The following BIN1 variants were observed in gnomAD, a reference collection of about 807,000 sequenced individuals.
BIN1 encodes myc box-dependent-interacting protein 1.
Under a neutral mutation model 82.0 loss-of-function variants are expected in BIN1, and 53 were observed. The observed-to-expected ratio is 0.65, with a 90% CI of 0.52 to 0.81. The LOEUF (loss-of-function observed/expected upper bound fraction) is 0.81. Among genes scored for constraint, BIN1 ranks in the 40% least tolerant of loss-of-function variants. The probability of loss-of-function intolerance (pLI) is 0.00; values close to 1 mark genes in which losing one functional copy is unlikely to be tolerated. For synonymous variants in BIN1, 302 were observed against 328.0 expected (o/e 0.92, Z 0.86); for missense variants, 642 against 784.4 (o/e 0.82, Z 2.17).
chr2:127,060,493 AG>A, intron 10 of BIN1: 1 of 1,541,104 alleles, frequency 6.5e-7, no homozygotes, highest in East Asian at 2.3e-5. Context: ...ACACAGAGCC[AG>A]ATTACGGGTT....
Position 127,057,986 on chromosome 2 carries a change from A to G in BIN1, c.1003-385T>C, listed in dbSNP as rs979320800. On this transcript the variant is annotated intron_variant, in intron 11 of 18. Transcript: ENST00000316724. The surrounding 1 kb of genome is among the most constrained non-coding windows in gnomAD (Gnocchi z 5.0). The stretch of plus-strand genomic sequence containing the variant: ...AGACTGGGGAAGCAAACAGTCGTTG[A>G]GAGACAGCCGGGCCCCAGCCTCCCC... Among the ~76,000 whole-genome samples the G allele has an allele frequency of 6.6e-6, 1 of 152,164 alleles. No individual in the cohort carries two copies. Among genetic ancestry groups the G allele is most frequent in the Non-Finnish European group, 1.5e-5 (1 of 68,014 alleles).
At position 127,063,559 on chromosome 2, in the gene BIN1, C is replaced by A; in HGVS notation, c.774+12G>T. The A allele has an allele frequency of 6.2e-7, 1 of 1,613,348 alleles. No individual in the cohort carries two copies. The highest frequency in any genetic ancestry group is 8.5e-7 in the Non-Finnish European group (1 of 1,179,686). On this transcript the variant is annotated intron_variant, in intron 9 of 18. Transcript: ENST00000316724. ...TGGGGTGTGGCCCCTCAGAGGGGTC[C>A]CCATGGCCTACCTTGCTCATCTCCT...
At chr2:127,096,198 A>T (rs1457613342) in intron 1 of BIN1, among the ~76,000 whole-genome samples, 2 of 152,150 alleles carry the variant, frequency 1.3e-5, no homozygotes, top group Non-Finnish European at 2.9e-5. Context: ...TCTAAGTCAA[A>T]GGAGAGCTGA....
Position 127,082,834 on chromosome 2 carries a change from G to A in BIN1, c.85-6128C>T, listed in dbSNP as rs1026109801. 2.0e-5 allele frequency among the ~76,000 whole-genome samples: 3 copies of A among 151,640 alleles called. No individual in the cohort carries two copies. The highest frequency in any genetic ancestry group is 6.6e-5 in the Admixed American group (1 of 15,246). Reference sequence around the variant, plus strand: ...TCCCCACCTCTGGGTGGAGAGTCTCGGTGGCCTCCAACAATCTAGGTGCCA... The same window carrying A: ...TCCCCACCTCTGGGTGGAGAGTCTCAGTGGCCTCCAACAATCTAGGTGCCA... On this transcript the variant is annotated intron_variant, in intron 1 of 18. Transcript: ENST00000316724. This position sits in a 1 kb window ranked among gnomAD's most constrained non-coding sequence, Gnocchi z 6.1.
At chr2:127,053,507 G>A (rs1285630859) in intron 13 of BIN1, 62 bp from the exon 14 acceptor site, 1 of 1,596,758 alleles carries the variant, frequency 6.3e-7, no homozygotes, top group Non-Finnish European at 8.5e-7. Context: ...AGGGCGGCAA[G>A]CAGTCCCCAG....
Position 127,057,645 on chromosome 2 carries a change from C to A in BIN1, c.1003-44G>T. 2 of 1,479,216 alleles carry A rather than the reference C, an allele frequency of 1.4e-6. No individual in the cohort carries two copies. The highest frequency in any genetic ancestry group is 1.8e-6 in the Non-Finnish European group (2 of 1,108,100). 91.6% of individuals were successfully genotyped at this position (1,479,216 alleles called of 1,614,324 possible). A position where few individuals can be genotyped will look rare whatever the true frequency, so the allele number is the denominator to read the frequency against. On this transcript the variant is annotated intron_variant, in intron 11 of 18. Coordinates refer to ENST00000316724, the MANE Select transcript of BIN1 (RefSeq NM_139343.3). The surrounding 1 kb of genome is among the most constrained non-coding windows in gnomAD (Gnocchi z 5.0). ...TGAGGGGCCGCGCGGGAAGGCACAG[C>A]AGAGCACGGGGTTTGGGGGAGACAG... is the stretch of plus-strand genomic sequence containing the variant.
rs528215673 is a variant in BIN1, at chr2:127,056,896, C to T, written c.1131+577G>A. On this transcript the variant is annotated intron_variant, in intron 12 of 18. Coordinates refer to ENST00000316724, the MANE Select transcript of BIN1 (RefSeq NM_139343.3). ...TGAGCCAAGAGCCCACTGGGAGAGA[C>T]CCAAGACCCTCTGCGTGGCTCCTTG... 2.0e-3 allele frequency among the ~76,000 whole-genome samples: 301 copies of T among 152,348 alleles called. 11 individuals carry two copies. The South Asian group carries it at 0.06, about 30-fold the overall frequency.
chr2:127,050,599 G>T, intron 17 of BIN1, 77 bp from the exon 18 acceptor site: 1 of 1,520,066 alleles, frequency 6.6e-7, no homozygotes, highest in Non-Finnish European at 9.1e-7. Context: ...CTTGCGTGTG[G>T]GAGGTGCAGG....
intron 1 of BIN1, among the ~76,000 whole-genome samples, chr2:127,102,264 G>A (rs999780008): frequency 6.6e-6 from 1 of 152,170 alleles, no homozygotes; most frequent in Non-Finnish European, 1.5e-5. Context: ...CAGCTTGTAA[G>A]GGACCAGCTG....
chr2:127,076,275 A>G lies in BIN1; in HGVS notation c.165+351T>C, dbSNP rs149963557. The stretch of plus-strand genomic sequence containing the variant: ...CCCCATGCTAACCGCTGCAGATGCC[A>G]CTCTCCTGGCAAGAAGCTTCTATAG... On this transcript the variant is annotated intron_variant, in intron 2 of 18. Transcript: ENST00000316724. Among the ~76,000 whole-genome samples, 420 of 151,686 alleles carry G rather than the reference A, an allele frequency of 2.8e-3. 3 individuals carry two copies. Among genetic ancestry groups the G allele is most frequent in the African/African-American group, 9.8e-3 (405 of 41,326 alleles).
chr2:127,077,608 G>A (rs553837607), intron 1 of BIN1, among the ~76,000 whole-genome samples: 5 of 152,294 alleles, frequency 3.3e-5, no homozygotes, highest in Admixed American at 2.6e-4. Flanking sequence ...TCCACATGAC[G>A]GAGAGAGAGG....
chr2:127,069,172 C>T (rs921673421), intron 5 of BIN1, 141 bp from the exon 6 acceptor site: 6 of 748,354 alleles, frequency 8.0e-6, no homozygotes, highest in Non-Finnish European at 1.3e-5. Flanking sequence ...TGCTGGAACC[C>T]TCCTCGTGGC....
intron 1 of BIN1, among the ~76,000 whole-genome samples, chr2:127,077,313 A>C (rs1160903564): frequency 6.9e-6 from 1 of 145,546 alleles, no homozygotes; most frequent in African/African-American, 2.6e-5. Flanking sequence ...TGCTCTGCAC[A>C]GCCCACACAC....
At chr2:127,091,926 G>C (rs1178100076) in intron 1 of BIN1, among the ~76,000 whole-genome samples, 1 of 151,998 alleles carries the variant, frequency 6.6e-6, no homozygotes, top group African/African-American at 2.4e-5. Context: ...GGGGCTGGTG[G>C]GTGGGGGGAA....
intron 10 of BIN1, chr2:127,060,510 C>A (rs958406924): frequency 6.3e-7 from 1 of 1,584,034 alleles, no homozygotes; most frequent in Non-Finnish European, 8.7e-7. Flanking sequence ...GGGTTAGTGG[C>A]ACCTGGGAGC....
Position 127,067,453 on chromosome 2 carries a change from C to T in BIN1, c.612+710G>A, listed in dbSNP as rs1011472240. 1.3e-5 allele frequency among the ~76,000 whole-genome samples: 2 copies of T among 152,154 alleles called. No homozygotes were observed. The highest frequency in any genetic ancestry group is 2.9e-5 in the Non-Finnish European group (2 of 68,024). On this transcript the variant is annotated intron_variant, in intron 7 of 18. Transcript: ENST00000316724. This position sits in a 1 kb window ranked among gnomAD's most constrained non-coding sequence, Gnocchi z 4.7. ...CTATGGCCAGGATGGTGAGATGGCCCAGGAGTTTTGTAAAAAAGCCTCCTC... is the reference window on the plus strand; with the variant it reads ...CTATGGCCAGGATGGTGAGATGGCCTAGGAGTTTTGTAAAAAAGCCTCCTC...
Position 127,059,579 on chromosome 2 carries a change from C to A in BIN1, c.858-424G>T, listed in dbSNP as rs1168759426. Reference sequence around the variant, plus strand: ...GGCACAGTGAGTCTCCCACACCACACGCAGCAGCCCCTCTGTTCTGGGGTC... The same window carrying A: ...GGCACAGTGAGTCTCCCACACCACAAGCAGCAGCCCCTCTGTTCTGGGGTC... On this transcript the variant is annotated intron_variant, in intron 10 of 18. Transcript: ENST00000316724. The surrounding 1 kb of genome is among the most constrained non-coding windows in gnomAD (Gnocchi z 6.7). Among the ~76,000 whole-genome samples, 3 of 152,132 alleles carry A rather than the reference C, an allele frequency of 2.0e-5. No homozygotes were observed. Among genetic ancestry groups the A allele is most frequent in the Non-Finnish European group, 4.4e-5 (3 of 68,008 alleles).
At position 127,051,105 on chromosome 2, in the gene BIN1, AGGCG is replaced by A; in HGVS notation, c.1461+45_1461+48del. The A allele has an allele frequency of 2.5e-6, 4 of 1,605,968 alleles. No homozygotes were observed. The Admixed American group carries it at 5.0e-5, about 20-fold the overall frequency. On this transcript the variant is annotated intron_variant, in intron 16 of 18. Coordinates refer to ENST00000316724, the MANE Select transcript of BIN1 (RefSeq NM_139343.3). ...GGCCACAGGGGAGCCCCGGACAGGC[AGGCG>A]GGCGGCAGGGAGGAAAAGGCAGGGC...
chr2:127,088,434 C>T (rs1160877552), intron 1 of BIN1, among the ~76,000 whole-genome samples: 2 of 152,062 alleles, frequency 1.3e-5, no homozygotes, highest in East Asian at 3.9e-4. Flanking sequence ...TGTGAGCCTC[C>T]GAACAAAAAT....
Sources: gnomAD v4.1 joint callset for allele counts (sites outside exome capture counted in the v4.1 genomes callset) on GRCh38, gnomAD v4.1.1 for gene constraint, Gnocchi (gnomAD v3.1) non-coding constraint, MANE v1.5 for transcripts, NCBI Gene and HGNC (gene_info 2026-07-23, HGNC 2026-07-21) for gene names.